The following ABTB3 variants were observed in gnomAD, a reference collection of about 807,000 sequenced individuals.
The protein encoded by ABTB3 is ankyrin repeat and BTB domain containing 3, also known as ankyrin repeat- and BTB/POZ domain-containing protein 3.
At chr12:107,406,764 G>A in the ABTB3 span, among the ~76,000 whole-genome samples, 6 of 151,902 alleles carry the variant, frequency 3.9e-5, no homozygotes, top group Admixed American at 6.6e-5. Context: ...TAAATAAAAC[G>A]CAAAATATAA....
the ABTB3 span, among the ~76,000 whole-genome samples, chr12:107,483,145 A>G: frequency 6.6e-6 from 1 of 151,632 alleles, no homozygotes; most frequent in Admixed American, 6.6e-5. Context: ...CTCCCATCTC[A>G]GCCTCTGGAG....
At chr12:107,456,280 T>G in the ABTB3 span, among the ~76,000 whole-genome samples, 1 of 152,164 alleles carries the variant, frequency 6.6e-6, no homozygotes, top group Non-Finnish European at 1.5e-5. Flanking sequence ...CTTGTACTGG[T>G]CCATGGCCTG....
chr12:107,657,687 A>G, the ABTB3 span: 1 of 1,614,168 alleles, frequency 6.2e-7, no homozygotes, highest in Non-Finnish European at 8.5e-7. Flanking sequence ...CAGTCCATCC[A>G]CTTGTCGTCT....
At chr12:107,477,200 G>A in the ABTB3 span, among the ~76,000 whole-genome samples, 97 of 152,272 alleles carry the variant, frequency 6.4e-4, no homozygotes, top group Non-Finnish European at 6.0e-4. Flanking sequence ...ACCCTGTGAC[G>A]GAAGTAAGGT....
chr12:107,392,606 C>A, the ABTB3 span, among the ~76,000 whole-genome samples: 5 of 152,174 alleles, frequency 3.3e-5, no homozygotes, highest in Admixed American at 2.6e-4. Flanking sequence ...TCAATGTCAG[C>A]CTCACTCCCT....
chr12:107,325,011 A>G, the ABTB3 span, among the ~76,000 whole-genome samples: 1 of 152,250 alleles, frequency 6.6e-6, no homozygotes. Context: ...ATGGGCGATT[A>G]CAAAGATTAA....
chr12:107,339,315 C>A, the ABTB3 span, among the ~76,000 whole-genome samples: 1 of 152,194 alleles, frequency 6.6e-6, no homozygotes, highest in Non-Finnish European at 1.5e-5. Context: ...GTTCCGCACC[C>A]ACCCAAAAGA....
At chr12:107,488,499 AC>A in the ABTB3 span, among the ~76,000 whole-genome samples, 1 of 152,076 alleles carries the variant, frequency 6.6e-6, no homozygotes, top group East Asian at 1.9e-4. Flanking sequence ...TTAACCCAAT[AC>A]TTGGCTCATT....
chr12:107,330,586 C>T, the ABTB3 span, among the ~76,000 whole-genome samples: 27 of 152,298 alleles, frequency 1.8e-4, no homozygotes, highest in Admixed American at 9.1e-4. Context: ...GAAACTGAGG[C>T]CCAGAGTGGG....
the ABTB3 span, among the ~76,000 whole-genome samples, chr12:107,492,915 C>A: frequency 6.6e-6 from 1 of 152,148 alleles, no homozygotes; most frequent in East Asian, 1.9e-4. Context: ...GCTGGGTGAG[C>A]TGAGGGCAGG....
chr12:107,388,414 C>G, the ABTB3 span, among the ~76,000 whole-genome samples: 2 of 151,642 alleles, frequency 1.3e-5, no homozygotes, highest in Non-Finnish European at 2.9e-5. Flanking sequence ...TTCCTCTCCT[C>G]TCTTTCTCCC....
chr12:107,574,063 C>A, the ABTB3 span, among the ~76,000 whole-genome samples: 1 of 152,168 alleles, frequency 6.6e-6, no homozygotes, highest in Non-Finnish European at 1.5e-5. Context: ...ATGCTTGGTT[C>A]AGAACAAACT....
chr12:107,435,589 T>C, the ABTB3 span, among the ~76,000 whole-genome samples: 36 of 152,358 alleles, frequency 2.4e-4, 1 homozygote, highest in South Asian at 7.0e-3. Flanking sequence ...AGGTGCTAGG[T>C]AACTATTTGT....
chr12:107,524,544 G>A, the ABTB3 span, among the ~76,000 whole-genome samples: 29,946 of 152,088 alleles, frequency 0.2, 3,583 homozygotes, highest in Non-Finnish European at 0.26. Flanking sequence ...CAATAATAAC[G>A]GCAGCAGCTG....
At chr12:107,504,707 T>C in the ABTB3 span, among the ~76,000 whole-genome samples, 1 of 152,222 alleles carries the variant, frequency 6.6e-6, no homozygotes, top group African/African-American at 2.4e-5. Context: ...GGATTTTCAG[T>C]TGGAAGCGTG....
the ABTB3 span, among the ~76,000 whole-genome samples, chr12:107,322,124 A>G: frequency 6.6e-6 from 1 of 152,320 alleles, no homozygotes; most frequent in African/African-American, 2.4e-5. Context: ...TTTTACTTTT[A>G]TGAACCTTAA....
At chr12:107,457,339 G>T in the ABTB3 span, among the ~76,000 whole-genome samples, 1 of 152,232 alleles carries the variant, frequency 6.6e-6, no homozygotes, top group Admixed American at 6.5e-5. Flanking sequence ...AATACAAACT[G>T]CTTCAAAGGC....
the ABTB3 span, among the ~76,000 whole-genome samples, chr12:107,432,789 A>T: frequency 2.8e-4 from 42 of 152,332 alleles, no homozygotes; most frequent in African/African-American, 9.6e-4. Context: ...GAATCTGTAT[A>T]GGAGAGGCTC....
the ABTB3 span, among the ~76,000 whole-genome samples, chr12:107,351,541 C>G: frequency 6.6e-6 from 1 of 152,146 alleles, no homozygotes; most frequent in Admixed American, 6.5e-5. Flanking sequence ...GAGGTGAGAC[C>G]TTTAAGAGAT....
Sources: gnomAD v4.1 joint callset for allele counts (sites outside exome capture counted in the v4.1 genomes callset) on GRCh38, gnomAD v4.1.1 for gene constraint, MANE v1.5 for transcripts, NCBI Gene and HGNC (gene_info 2026-07-23, HGNC 2026-07-21) for gene names.